CRTC3: variants seen among roughly 807,000 people sequenced by gnomAD.
CRTC3 encodes the protein CREB regulated transcription coactivator 3, also known as CREB-regulated transcription coactivator 3.
A neutral mutation model predicts 74.5 loss-of-function variants in CRTC3; 26 were observed. The ratio of observed to expected loss-of-function variants is 0.35; its 90% confidence interval spans 0.26 to 0.48. The LOEUF (loss-of-function observed/expected upper bound fraction) is 0.48. Ranked by LOEUF, CRTC3 falls within the 20% of genes least tolerant of loss-of-function variation. The probability of loss-of-function intolerance (pLI) is 0.99; values close to 1 mark genes in which losing one functional copy is unlikely to be tolerated. For missense variants in CRTC3, 760 were observed against 787.3 expected (o/e 0.97, Z 0.41); for synonymous variants, 377 against 325.8 (o/e 1.16, Z -1.69).
At position 90,641,217 on chromosome 15, in the gene CRTC3, C is replaced by T. The variant is rs1392126413; in HGVS notation, c.1651+18C>T. 6.6e-6 allele frequency: 10 copies of T among 1,506,968 alleles called. No homozygotes were observed. Among genetic ancestry groups the T allele is most frequent in the South Asian group, 3.4e-5 (3 of 88,454 alleles). 93.3% of individuals were successfully genotyped at this position (1,506,968 alleles called of 1,614,324 possible). On this transcript the variant is annotated intron_variant, in intron 14 of 14. Transcript: ENST00000268184. ...CCTGCCAGGTGAGCGAGCTATCCCT[C>T]AGCTTCTTTACTGCTTTTATGTTGT...
chr15:90,585,817 G>A (rs1244857929), intron 2 of CRTC3, among the ~76,000 whole-genome samples: 1 of 152,186 alleles, frequency 6.6e-6, no homozygotes, highest in Non-Finnish European at 1.5e-5. Context: ...AAAATGAGAT[G>A]CCTCAGTTTG....
intron 1 of CRTC3, among the ~76,000 whole-genome samples, chr15:90,536,218 A>C (rs1966716605): frequency 2.0e-5 from 3 of 152,116 alleles, no homozygotes; most frequent in South Asian, 2.1e-4. Flanking sequence ...CTGGTAATTT[A>C]AGTCCTCTAA....
At chr15:90,638,857 CTG>C in intron 13 of CRTC3, 42 bp downstream of exon 13, 1 of 1,480,182 alleles carries the variant, frequency 6.8e-7, no homozygotes, top group Non-Finnish European at 9.4e-7. Context: ...GGTGCATAAA[CTG>C]TACCATTTAG....
At chr15:90,613,776 A>G (rs1192937612) in intron 6 of CRTC3, 1 of 152,236 alleles carries the variant, frequency 6.6e-6, no homozygotes, top group African/African-American at 2.4e-5. Flanking sequence ...CTAAGATATT[A>G]CATTCTTGGC....
At chr15:90,547,317 C>A (rs1203126837) in intron 2 of CRTC3, among the ~76,000 whole-genome samples, 3 of 152,146 alleles carry the variant, frequency 2.0e-5, no homozygotes, top group Non-Finnish European at 4.4e-5. Flanking sequence ...CTATAGATAT[C>A]TTGAACTTGT....
chr15:90,614,341 A>G, intron 6 of CRTC3, 112 bp from the exon 7 acceptor site: 1 of 739,372 alleles, frequency 1.4e-6, no homozygotes, highest in Non-Finnish European at 2.2e-6. Flanking sequence ...AAAGTGCCTT[A>G]GAATTTTCAA....
intron 6 of CRTC3, among the ~76,000 whole-genome samples, chr15:90,612,737 A>G (rs1968394306): frequency 6.6e-6 from 1 of 151,790 alleles, no homozygotes; most frequent in Non-Finnish European, 1.5e-5. Flanking sequence ...GGAATCCGCA[A>G]CTCCTGTCCT....
intron 7 of CRTC3, 71 bp from the exon 8 acceptor site, chr15:90,617,812 T>G: frequency 1.4e-4 from 142 of 1,004,380 alleles, no homozygotes; most frequent in Non-Finnish European, 2.0e-4. Context: ...ATTATAGGCG[T>G]GAGCCACCGT....
chr15:90,633,764 A>ATTT (rs1247515031), intron 11 of CRTC3, among the ~76,000 whole-genome samples: 49 of 135,384 alleles, frequency 3.6e-4, no homozygotes, highest in African/African-American at 1.2e-3. Flanking sequence ...TATTATCCTT[A>ATTT]TCTTCTCTCT....
At chr15:90,582,886 A>G (rs188984937) in intron 2 of CRTC3, among the ~76,000 whole-genome samples, 8 of 152,220 alleles carry the variant, frequency 5.3e-5, no homozygotes, top group Non-Finnish European at 8.8e-5. Flanking sequence ...GGGAATGAAC[A>G]TGATCCATCT....
intron 2 of CRTC3, among the ~76,000 whole-genome samples, chr15:90,550,072 ATT>A (rs1966851960): frequency 6.6e-6 from 1 of 151,618 alleles, no homozygotes; most frequent in East Asian, 1.9e-4. Flanking sequence ...TTTTGCTTAA[ATT>A]TTGATCCTGT....
chr15:90,557,632 C>A (rs944196329), intron 2 of CRTC3, among the ~76,000 whole-genome samples: 5 of 152,104 alleles, frequency 3.3e-5, no homozygotes, highest in Admixed American at 2.0e-4. Flanking sequence ...TGGTGGAGTA[C>A]AGACAGAGCC....
At chr15:90,618,909 T>C (rs750062735) in intron 8 of CRTC3, among the ~76,000 whole-genome samples, 4 of 152,222 alleles carry the variant, frequency 2.6e-5, no homozygotes, top group Admixed American at 6.5e-5. Context: ...TATCAGAGGA[T>C]AACTATGTCT....
intron 11 of CRTC3, among the ~76,000 whole-genome samples, 165 bp downstream of exon 11, chr15:90,629,697 G>C (rs1388017642): frequency 1.3e-5 from 2 of 152,196 alleles, no homozygotes; most frequent in Admixed American, 1.3e-4. Flanking sequence ...CAGAGCAGAA[G>C]TGTCAATAAT....
intron 14 of CRTC3, 32 bp from the exon 15 acceptor site, chr15:90,641,898 CCG>C: frequency 6.2e-7 from 1 of 1,600,914 alleles, no homozygotes; most frequent in Non-Finnish European, 8.5e-7. Context: ...CGCCTCCTAA[CCG>C]CACTGTTTTC....
rs1969569327 is a variant in CRTC3 at position 90,644,815 on chromosome 15, G to C, written c.*2675G>C. On this transcript the variant is annotated 3_prime_UTR_variant, in exon 15 of 15. Transcript: ENST00000268184. ...GCATTTGAAGCAGCTGCATACTTCA[G>C]AGTAAACTATTTTTCATTATTTAGT... The C allele has an allele frequency of 4.3e-6, 1 of 232,372 alleles. No homozygotes were observed. The highest frequency in any genetic ancestry group is 2.2e-5 in the African/African-American group (1 of 45,304). The allele number at this position is 232,372 out of a possible 1,614,324, so 14.4% of individuals were successfully genotyped here.
chr15:90,632,627 C>CGG (rs1969080865), intron 11 of CRTC3, among the ~76,000 whole-genome samples: 2 of 152,114 alleles, frequency 1.3e-5, no homozygotes, highest in African/African-American at 2.4e-5. Context: ...TATTTTGAGA[C>CGG]AGAGTCTTGC....
At chr15:90,594,602 C>G (rs1967876629) in intron 3 of CRTC3, 1 of 152,300 alleles carries the variant, frequency 6.6e-6, no homozygotes, top group Non-Finnish European at 1.5e-5. Context: ...GCTTCACAAG[C>G]CTAGAAACCA....
intron 1 of CRTC3, among the ~76,000 whole-genome samples, chr15:90,533,408 G>A (rs1393046329): frequency 2.4e-5 from 3 of 126,094 alleles, no homozygotes; most frequent in Non-Finnish European, 5.0e-5. Flanking sequence ...GCGACAGAGC[G>A]AGACTCCGCC....
Sources: allele counts gnomAD v4.1 joint callset (sites outside exome capture counted in the v4.1 genomes callset), GRCh38; gene constraint gnomAD v4.1.1; transcripts MANE v1.5; gene names NCBI Gene and HGNC (gene_info 2026-07-23, HGNC 2026-07-21).